Variants in OTOGL observed in about 807,000 individuals in gnomAD.
OTOGL encodes otogelin like, also known as otogelin-like protein.
Under a neutral mutation model 318.5 loss-of-function variants are expected in OTOGL, and 285 were observed. The ratio of observed to expected loss-of-function variants is 0.89; its 90% CI spans 0.81 to 0.99. The LOEUF (loss-of-function observed/expected upper bound fraction) is 0.99, where lower values mean the gene tolerates loss of function less well. Among genes scored for constraint, OTOGL ranks in the 50% least tolerant of loss-of-function variants. The pLI, the probability that OTOGL is intolerant of heterozygous loss-of-function variation, is 0.00. For synonymous variants in OTOGL, 987 were observed against 936.5 expected (o/e 1.05, Z -0.99); for missense variants, 2,899 against 2,845.6 (o/e 1.02, Z -0.43).
intron 9 of OTOGL, among the ~76,000 whole-genome samples, chr12:80,234,605 A>T (rs1879674974): frequency 6.6e-6 from 1 of 152,214 alleles, no homozygotes; most frequent in African/African-American, 2.4e-5. Context: ...ACAGTACAGT[A>T]CCTGGCACAT....
At chr12:80,338,990 A>G (rs1452559899) in intron 42 of OTOGL, 85 bp from the exon 43 acceptor site, 1 of 1,126,770 alleles carries the variant, frequency 8.9e-7, no homozygotes, top group African/African-American at 1.6e-5. Context: ...GTTTACATTA[A>G]ATCAGAATAA....
At chr12:80,148,894 T>C (rs987326460) in intron 1 of OTOGL, among the ~76,000 whole-genome samples, 3 of 152,240 alleles carry the variant, frequency 2.0e-5, no homozygotes, top group Non-Finnish European at 4.4e-5. Flanking sequence ...AGCCTTGGTT[T>C]TCAGCTCCAT....
At chr12:80,359,748 C>T (rs895961573) in intron 52 of OTOGL, among the ~76,000 whole-genome samples, 5 of 152,166 alleles carry the variant, frequency 3.3e-5, no homozygotes, top group African/African-American at 1.2e-4. Context: ...TTACAAATAA[C>T]TTTCATAATA....
At chr12:80,151,837 A>G (rs546430834) in intron 1 of OTOGL, among the ~76,000 whole-genome samples, 11 of 152,318 alleles carry the variant, frequency 7.2e-5, no homozygotes, top group South Asian at 2.1e-4. Context: ...AAAAGTTACA[A>G]TGAATCAAAA....
At chr12:80,165,153 G>A (rs1379286210) in intron 1 of OTOGL, among the ~76,000 whole-genome samples, 1 of 152,132 alleles carries the variant, frequency 6.6e-6, no homozygotes, top group Admixed American at 6.5e-5. Context: ...AAATTTGCAA[G>A]ATATTTCTTG....
chr12:80,339,144 T>C lies in OTOGL; in HGVS notation c.4930T>C (p.Ser1644Pro). The C allele has an allele frequency of 6.2e-7, 1 of 1,611,386 alleles. No homozygotes were observed. The highest frequency in any genetic ancestry group is 1.3e-5 in the African/African-American group (1 of 74,934). Residue 1644 changes from serine (S) to proline (P), a missense_variant, in exon 43 of 59, where the codon TCA becomes CCA. This residue lies in a region of OTOGL where 2,607 missense variants were observed against 2,524.9 expected (regional missense o/e 1.03). Transcript: ENST00000547103. Reference protein sequence around the residue: ...SQELSIEDSGSMYVITTPAGL... With the variant: ...SQELSIEDSGPMYVITTPAGL... ...GGAACTGTCCATAGAGGATTCTGGT[T>C]CAATGTATGTAATTACTACTCCAGC...
At chr12:80,335,378 A>G (rs1159256445) in intron 38 of OTOGL, among the ~76,000 whole-genome samples, 4 of 152,284 alleles carry the variant, frequency 2.6e-5, no homozygotes, top group East Asian at 3.9e-4. Context: ...CTAGTTTAGC[A>G]TTGCTATAAT....
At chr12:80,271,501 C>A in intron 23 of OTOGL, 147 bp from the exon 24 acceptor site, 2 of 632,744 alleles carry the variant, frequency 3.2e-6, no homozygotes, top group Non-Finnish European at 5.0e-6. Flanking sequence ...AAATTATATT[C>A]TAGTTAGTTA....
At chr12:80,352,493 C>A in intron 45 of OTOGL, 57 bp downstream of exon 45, 1 of 1,352,740 alleles carries the variant, frequency 7.4e-7, no homozygotes. Context: ...CTTTTGCAAT[C>A]ACTTCTTTCC....
At chr12:80,169,596 T>A (rs1874051230) in intron 1 of OTOGL, among the ~76,000 whole-genome samples, 1 of 152,206 alleles carries the variant, frequency 6.6e-6, no homozygotes, top group Non-Finnish European at 1.5e-5. Context: ...GAATGAATAA[T>A]GTCATGTCAC....
chr12:80,222,541 G>T (rs927432330), intron 7 of OTOGL, among the ~76,000 whole-genome samples: 4 of 152,142 alleles, frequency 2.6e-5, no homozygotes, highest in Admixed American at 2.0e-4. Flanking sequence ...TATCGGATGT[G>T]AAGACTGACA....
intron 1 of OTOGL, among the ~76,000 whole-genome samples, chr12:80,154,581 A>G (rs1315177193): frequency 6.6e-6 from 1 of 152,124 alleles, no homozygotes; most frequent in African/African-American, 2.4e-5. Flanking sequence ...TTAATGAATC[A>G]TTGTTTGCTC....
rs750128612 is a variant in OTOGL at position 80,254,531 on chromosome 12, G to A, written c.1402G>A (p.Val468Ile). ...IEQECTECVC[V>I]GGVWNCTEQD... is the part of the protein sequence containing the mutation. ...TTTTATAATTTCTTTTAGTGTGTGTGTTGGTGGAGTTTGGAACTGCACTGA... is the reference window on the plus strand; with the variant it reads ...TTTTATAATTTCTTTTAGTGTGTGTATTGGTGGAGTTTGGAACTGCACTGA... Residue 468 changes from valine (V) to isoleucine (I), a missense_variant, in exon 15 of 59, where the codon GTT becomes ATT. Coordinates refer to ENST00000547103, the MANE Select transcript of OTOGL (RefSeq NM_001378609.3). 59 of 1,607,070 alleles carry A rather than the reference G, an allele frequency of 3.7e-5. No homozygotes were observed. The highest frequency in any genetic ancestry group is 4.9e-5 in the Non-Finnish European group (57 of 1,175,084).
intron 1 of OTOGL, among the ~76,000 whole-genome samples, chr12:80,112,550 T>C (rs1349767913): frequency 2.0e-5 from 3 of 152,174 alleles, no homozygotes; most frequent in African/African-American, 7.2e-5. Context: ...TTACGTTTAT[T>C]GATTTGTGCA....
intron 44 of OTOGL, among the ~76,000 whole-genome samples, chr12:80,344,083 A>G (rs995287357): frequency 2.6e-5 from 4 of 152,186 alleles, no homozygotes; most frequent in African/African-American, 7.2e-5. Flanking sequence ...AAAATGACAT[A>G]TCTTTGTGGA....
chr12:80,123,948 A>G (rs1283889322), intron 1 of OTOGL, among the ~76,000 whole-genome samples: 1 of 152,224 alleles, frequency 6.6e-6, no homozygotes, highest in Non-Finnish European at 1.5e-5. Flanking sequence ...GCTCTTTGTC[A>G]GATGAGTAGA....
At chr12:80,105,264 A>G (rs1178187229) in intron 1 of OTOGL, among the ~76,000 whole-genome samples, 2 of 152,220 alleles carry the variant, frequency 1.3e-5, no homozygotes, top group African/African-American at 4.8e-5. Context: ...TATGTGGAGA[A>G]AAAGTCGCAT....
At chr12:80,166,199 C>CTG (rs1288726189) in intron 1 of OTOGL, among the ~76,000 whole-genome samples, 2 of 150,512 alleles carry the variant, frequency 1.3e-5, no homozygotes, top group African/African-American at 2.4e-5. Context: ...TTCTTCCTCT[C>CTG]TCTCTCTCTC....
At chr12:80,272,358 G>A (rs1316050620) in intron 24 of OTOGL, among the ~76,000 whole-genome samples, 1 of 148,078 alleles carries the variant, frequency 6.8e-6, no homozygotes, top group Non-Finnish European at 1.5e-5. Context: ...GTGTGTGTGT[G>A]TGTGTGTGTG....
Sources: gnomAD v4.1 joint callset for allele counts (sites outside exome capture counted in the v4.1 genomes callset) on GRCh38, gnomAD v4.1.1 for gene constraint, gnomAD v4.1.1 regional missense constraint, MANE v1.5 for transcripts, NCBI Gene and HGNC (gene_info 2026-07-23, HGNC 2026-07-21) for gene names.